The following TRIM34 variants were observed in gnomAD, a reference collection of about 807,000 sequenced individuals.
TRIM34 encodes E3 ubiquitin-protein ligase TRIM34.
TRIM34 carries 41 observed loss-of-function variants against 38.1 expected under a neutral mutation model. The ratio of observed to expected loss-of-function variants is 1.08; its 90% confidence interval spans 0.84 to 1.40. The LOEUF (loss-of-function observed/expected upper bound fraction) is 1.40. TRIM34 is among the 40% of genes most tolerant of loss of function. TRIM34 has a pLI of 0.00. For missense variants in TRIM34, 556 were observed against 571.4 expected (o/e 0.97, Z 0.27); for synonymous variants, 200 against 202.5 (o/e 0.99, Z 0.10).
rs765329267 is a variant in TRIM34, at chr11:5,632,689, G to A, written c.358G>A (p.Glu120Lys). ...TAGGAAAGTCATTTGCTGGCTTTGT[G>A]AGCGGTCTCAGGAGCACCGTGGTCA... ...EDRKVICWLC[E>K]RSQEHRGHHT... is the part of the protein sequence containing the mutation. The change falls in exon 2 of 8, where the codon GAG (glutamate) becomes AAG (lysine). Residue 120 changes from glutamate to lysine, a missense_variant. Glu to Lys is a moderately conservative substitution (Grantham distance 56). Coordinates refer to ENST00000429814, the MANE Select transcript of TRIM34 (RefSeq NM_021616.6). 4.3e-6 allele frequency: 7 copies of A among 1,612,468 alleles called. No individual in the cohort carries two copies. The highest frequency in any genetic ancestry group is 1.3e-5 in the African/African-American group (1 of 74,394).
intron 1 of TRIM34, among the ~76,000 whole-genome samples, chr11:5,626,403 T>G (rs1350780213): frequency 2.6e-5 from 4 of 152,224 alleles, no homozygotes; most frequent in African/African-American, 7.2e-5. Context: ...TGTAAAGACC[T>G]CATGAAGGCC....
chr11:5,643,886 C>T lies in TRIM34; in HGVS notation c.*177C>T, dbSNP rs1850132695. 7.3e-6 allele frequency: 6 copies of T among 826,198 alleles called. No individual in the cohort carries two copies. In the East Asian group the frequency reaches 1.4e-4, roughly 19 times the overall value. The allele number at this position is 826,198 out of a possible 1,614,324, so 51.2% of individuals were successfully genotyped here. The stretch of plus-strand genomic sequence containing the variant: ...TGAGAGATGCTTATTTATTCATTTA[C>T]TCTTTTTCATATTTTCAGAGAAAGT... On this transcript the variant is annotated 3_prime_UTR_variant, in exon 8 of 8. Transcript: ENST00000429814.
intron 7 of TRIM34, 93 bp from the exon 8 acceptor site, chr11:5,643,051 G>A: frequency 7.7e-7 from 1 of 1,296,894 alleles, no homozygotes. Context: ...CATGTCACTA[G>A]ATAAACCTAC....
Position 5,640,704 on chromosome 11 carries a change from A to G in TRIM34, c.751-463A>G, listed in dbSNP as rs564452752. ...TTCCCTGCTCTTCTTTATTTTTGAA[A>G]TAACTTATGAAGTTTTGATATTATT... On this transcript the variant is annotated intron_variant, in intron 4 of 7. Coordinates refer to ENST00000429814, the MANE Select transcript of TRIM34 (RefSeq NM_021616.6). 2.6e-5 allele frequency among the ~76,000 whole-genome samples: 4 copies of G among 152,298 alleles called. 1 individual carries two copies. The South Asian group carries it at 8.3e-4, about 32-fold the overall frequency.
In TRIM34 at chr11:5,632,729, C is replaced by T. The variant is rs775087333; in HGVS notation, c.398C>T (p.Thr133Met). The T allele has an allele frequency of 2.2e-5, 35 of 1,605,660 alleles. No homozygotes were observed. The highest frequency in any genetic ancestry group is 8.4e-5 in the Admixed American group (5 of 59,348). Reference sequence around the variant, plus strand: ...CACCGTGGTCACCACACAGTCCTCACGGAGGAAGTATTCAAGGAATGTCAG... The same window carrying T: ...CACCGTGGTCACCACACAGTCCTCATGGAGGAAGTATTCAAGGAATGTCAG... ...QEHRGHHTVL[T>M]EEVFKECQEK... Residue 133 changes from threonine (T) to methionine (M), a missense_variant, in exon 2 of 8, where the codon ACG becomes ATG. Thr to Met is a moderately conservative substitution (Grantham distance 81, BLOSUM62 -1). Transcript: ENST00000429814.
At chr11:5,628,831 G>A (rs1849357876) in intron 1 of TRIM34, among the ~76,000 whole-genome samples, 3 of 150,976 alleles carry the variant, frequency 2.0e-5, no homozygotes, top group African/African-American at 7.3e-5. Context: ...AAGGCTCTAT[G>A]TGAAAATCGG....
At chr11:5,627,866 G>A (rs973254053) in intron 1 of TRIM34, among the ~76,000 whole-genome samples, 25 of 152,192 alleles carry the variant, frequency 1.6e-4, no homozygotes, top group African/African-American at 4.8e-4. Context: ...AAAGTCACTC[G>A]TAGAGACACT....
intron 1 of TRIM34, among the ~76,000 whole-genome samples, chr11:5,631,633 C>T (rs1270689116): frequency 2.0e-5 from 3 of 152,074 alleles, no homozygotes; most frequent in South Asian, 2.1e-4. Flanking sequence ...TGTTAGGAGG[C>T]GAGCACTTCT....
intron 4 of TRIM34, among the ~76,000 whole-genome samples, 173 bp from the exon 5 acceptor site, chr11:5,640,994 C>T (rs571154752): frequency 2.0e-5 from 3 of 151,998 alleles, no homozygotes; most frequent in Non-Finnish European, 4.4e-5. Flanking sequence ...TCCCATCTTT[C>T]ATTCCTGATT....
chr11:5,632,565 G>A lies in TRIM34; in HGVS notation c.234G>A (p.Val78=). The change falls in exon 2 of 8, where the codon GTG becomes GTA. Residue 78 remains valine (V), a synonymous_variant. Transcript: ENST00000429814. ...CTAATCAGCATCTGGCCAACATAGTGGAGAGACTCAAGGAGGTCAAGTTGA... is the reference window on the plus strand; with the variant it reads ...CTAATCAGCATCTGGCCAACATAGTAGAGAGACTCAAGGAGGTCAAGTTGA... ...LQANQHLANI[V]ERLKEVKLSP... is the part of the protein sequence containing the mutation. 6.2e-7 allele frequency: 1 copy of A among 1,613,864 alleles called. No individual in the cohort carries two copies. The highest frequency in any genetic ancestry group is 8.5e-7 in the Non-Finnish European group (1 of 1,179,990).
chr11:5,635,317 G>A (rs1446009635), intron 4 of TRIM34, among the ~76,000 whole-genome samples: 1 of 149,138 alleles, frequency 6.7e-6, no homozygotes, highest in Non-Finnish European at 1.5e-5. Context: ...GTGCAGTGGT[G>A]CGATCTCGGC....
intron 4 of TRIM34, among the ~76,000 whole-genome samples, chr11:5,639,931 GTAAAT>G: frequency 6.6e-6 from 1 of 152,138 alleles, no homozygotes. Context: ...GTACATCAGA[GTAAAT>G]GATGTATCCA....
rs758313981 is a variant in TRIM34, at chr11:5,643,689, C to G, written c.1447C>G (p.Leu483Val). ...TTGGAACTGTCCAGCTCCCATGACT[C>G]TATGCCCACCAAGCTCTTGAATTTT... ...NPWNCPAPMT[L>V]CPPSS Residue 483 changes from leucine (L) to valine (V), a missense_variant, in exon 8 of 8, where the codon CTA becomes GTA. By Grantham distance (32) the Leu-to-Val change is conservative. Transcript: ENST00000429814. 6.3e-7 allele frequency: 1 copy of G among 1,596,052 alleles called. No homozygotes were observed. Among genetic ancestry groups the G allele is most frequent in the South Asian group, 1.1e-5 (1 of 87,546 alleles).
chr11:5,628,993 A>C (rs1564882728), intron 1 of TRIM34, among the ~76,000 whole-genome samples: 1 of 152,040 alleles, frequency 6.6e-6, no homozygotes, highest in South Asian at 2.1e-4. Context: ...AACACAGGTC[A>C]AGGCCGGGTG....
chr11:5,624,121 A>C (rs1336404458), upstream of TRIM34, among the ~76,000 whole-genome samples: 3 of 152,206 alleles, frequency 2.0e-5, no homozygotes, highest in Admixed American at 2.0e-4. Flanking sequence ...AGGTTACCTC[A>C]GTTTCAAAGC....
chr11:5,634,247 G>A (rs568036647), intron 3 of TRIM34, among the ~76,000 whole-genome samples: 1 of 151,994 alleles, frequency 6.6e-6, no homozygotes, highest in Non-Finnish European at 1.5e-5. Context: ...GGTAAGGCAG[G>A]CAGTCATGAA....
upstream of TRIM34, among the ~76,000 whole-genome samples, chr11:5,621,336 A>G (rs545567443): frequency 1.2e-3 from 179 of 152,310 alleles, 3 homozygotes; most frequent in South Asian, 0.035. Flanking sequence ...TGGTGTCTCT[A>G]GATAATTTCC....
intron 2 of TRIM34, 42 bp from the exon 3 acceptor site, chr11:5,633,762 G>A: frequency 6.3e-7 from 1 of 1,579,450 alleles, no homozygotes; most frequent in Non-Finnish European, 8.6e-7. Context: ...CAGATACTAA[G>A]AAAGCTTATA....
intron 1 of TRIM34, among the ~76,000 whole-genome samples, chr11:5,625,725 C>A (rs1444134971): frequency 6.6e-6 from 1 of 151,494 alleles, no homozygotes; most frequent in Non-Finnish European, 1.5e-5. Flanking sequence ...GGTCTCAGGG[C>A]TCTCCTTGCA....
Sources: allele counts gnomAD v4.1 joint callset (sites outside exome capture counted in the v4.1 genomes callset), GRCh38; gene constraint gnomAD v4.1.1; transcripts MANE v1.5; gene names NCBI Gene and HGNC (gene_info 2026-07-23, HGNC 2026-07-21).